HERC1: variants seen among roughly 807,000 people sequenced by gnomAD.
HERC1 encodes HECT and RLD domain containing E3 ubiquitin protein ligase family member 1.
HERC1 carries 160 observed loss-of-function variants against 554.3 expected under a neutral mutation model. The ratio of observed to expected loss-of-function variants is 0.29; its 90% CI spans 0.25 to 0.33. HERC1 has a LOEUF of 0.33. HERC1 is among the 10% of genes least tolerant of loss of function. The pLI, the probability that HERC1 is intolerant of heterozygous loss-of-function variation, is 1.00. For missense variants in HERC1, 4,919 were observed against 5,918.5 expected, an observed-to-expected ratio of 0.83 and a Z score of 5.54; for synonymous variants, 2,175 against 2,131.7, an observed-to-expected ratio of 1.02 and a Z score of -0.56.
chr15:63,712,774 C>T lies in HERC1; in HGVS notation c.4584+1G>A, dbSNP rs1308645514. On this transcript the variant is annotated splice_donor_variant, in intron 24 of 77. Coordinates refer to ENST00000443617, the MANE Select transcript of HERC1 (RefSeq NM_003922.4). LOFTEE classifies it high-confidence loss of function. ...TCTTTACTGAATCTGGGTATACCTA[C>T]CAGTGCGTAACCCTCTTCATCTGAT... 6.2e-7 allele frequency: 1 copy of T among 1,613,280 alleles called. No individual in the cohort carries two copies. Among genetic ancestry groups the T allele is most frequent in the Admixed American group, 1.7e-5 (1 of 59,942 alleles).
rs1025868873 is a variant in HERC1 at position 63,645,534 on chromosome 15, G to A, written c.11027C>T (p.Ala3676Val). The stretch of plus-strand genomic sequence containing the variant: ...TCCTTTCCCTGGAAGGCGGCACCAA[G>A]CAATGCCATTTACAATAGATGGATG... ...LCHPSIVNGIAWCRLPGKGSK... is the reference protein window; with the variant it reads ...LCHPSIVNGIVWCRLPGKGSK... The change falls in exon 56 of 78, where the codon GCT (alanine) becomes GTT (valine). Residue 3676 changes from alanine to valine, a missense_variant. This residue lies in a region of HERC1 where 1,963 missense variants were observed against 2,228.6 expected (regional missense o/e 0.88). Transcript: ENST00000443617. 2 of 1,612,746 alleles carry A rather than the reference G, an allele frequency of 1.2e-6. No homozygotes were observed. Among genetic ancestry groups the A allele is most frequent in the Non-Finnish European group, 1.7e-6 (2 of 1,179,474 alleles).
intron 1 of HERC1, among the ~76,000 whole-genome samples, chr15:63,801,000 C>T (rs2076965811): frequency 6.6e-6 from 1 of 152,130 alleles, no homozygotes; most frequent in Non-Finnish European, 1.5e-5. Context: ...TCAACCAAGC[C>T]TACGTAATGC....
In HERC1 at chr15:63,758,987, C is replaced by T. The variant is rs1361516047; in HGVS notation, c.1027-618G>A. 6.6e-6 allele frequency among the ~76,000 whole-genome samples: 1 copy of T among 152,114 alleles called. No individual in the cohort carries two copies. The highest frequency in any genetic ancestry group is 2.4e-5 in the African/African-American group (1 of 41,408). On this transcript the variant is annotated intron_variant, in intron 3 of 77. Transcript: ENST00000443617. This position sits in a 1 kb window ranked among gnomAD's most constrained non-coding sequence, Gnocchi z 4.0. ...CAAGCAATCCTCCCACCTCAGCCCC[C>T]CAAGTAGCTGAGATTACAGGCATGC... is the stretch of plus-strand genomic sequence containing the variant.
rs2071279553 is a variant in HERC1, at chr15:63,677,725, A to G, written c.7070+120T>C. 14 of 1,472,614 alleles carry G rather than the reference A, an allele frequency of 9.5e-6. No individual in the cohort carries two copies. In the South Asian group the frequency reaches 2.0e-4, roughly 21 times the overall value. 91.2% of individuals were successfully genotyped at this position (1,472,614 alleles called of 1,614,324 possible). A position where few individuals can be genotyped will look rare whatever the true frequency, so the allele number is the denominator to read the frequency against. ...GTAGAAACATCTAGCTGCATGAGAA[A>G]TATTTTTAAAAGTTAACTGGCAGCT... On this transcript the variant is annotated intron_variant, in intron 37 of 77. Transcript: ENST00000443617. The surrounding 1 kb of genome is among the most constrained non-coding windows in gnomAD (Gnocchi z 4.4).
At chr15:63,724,414 A>G (rs778651596) in intron 18 of HERC1, among the ~76,000 whole-genome samples, 30 of 152,328 alleles carry the variant, frequency 2.0e-4, no homozygotes, top group Admixed American at 3.9e-4. Context: ...ATGTACACTC[A>G]TATTTGGAAA....
At chr15:63,647,185 T>C (rs1255013721) in intron 55 of HERC1, among the ~76,000 whole-genome samples, 1 of 151,708 alleles carries the variant, frequency 6.6e-6, no homozygotes, top group East Asian at 1.9e-4. Context: ...ACCTGGGGGT[T>C]GGAAATTGCA....
At chr15:63,716,224 CCTTTCT>C (rs2073548833) in intron 22 of HERC1, 72 bp downstream of exon 22, 4 of 1,327,808 alleles carry the variant, frequency 3.0e-6, no homozygotes, top group Non-Finnish European at 3.1e-6. Context: ...AGAAACTTTG[CCTTTCT>C]CTTTCAAGTT....
chr15:63,829,499 T>TACAC (rs59580148), intron 1 of HERC1, among the ~76,000 whole-genome samples: 8 of 53,378 alleles, frequency 1.5e-4, no homozygotes, highest in African/African-American at 3.5e-4. Context: ...TATATATATA[T>TACAC]ACACACACAC....
intron 1 of HERC1, among the ~76,000 whole-genome samples, chr15:63,797,205 T>C (rs918514011): frequency 6.6e-6 from 1 of 152,232 alleles, no homozygotes; most frequent in Non-Finnish European, 1.5e-5. Flanking sequence ...GTTAGGATTA[T>C]GAGAGGGGCC....
chr15:63,798,191 C>A (rs1158671037), intron 1 of HERC1, among the ~76,000 whole-genome samples: 2 of 152,188 alleles, frequency 1.3e-5, no homozygotes, highest in Non-Finnish European at 2.9e-5. Flanking sequence ...TCTCTCCTTG[C>A]TGTAGCTTCC....
intron 51 of HERC1, 146 bp from the exon 52 acceptor site, chr15:63,652,687 C>G: frequency 1.5e-6 from 1 of 665,156 alleles, no homozygotes; most frequent in Non-Finnish European, 2.4e-6. Context: ...AAGTCTTGCT[C>G]TGTTGCCCAG....
intron 1 of HERC1, among the ~76,000 whole-genome samples, chr15:63,778,079 T>C (rs1460736137): frequency 6.6e-6 from 1 of 152,188 alleles, no homozygotes; most frequent in Non-Finnish European, 1.5e-5. Context: ...TTAAATTCTA[T>C]ACCAAACCAC....
intron 65 of HERC1, 42 bp downstream of exon 65, chr15:63,635,919 A>G: frequency 1.3e-6 from 2 of 1,595,448 alleles, no homozygotes; most frequent in Non-Finnish European, 8.6e-7. Flanking sequence ...AACAACTAGT[A>G]TATTTACAAT....
At chr15:63,769,139 C>T (rs1407862893) in intron 2 of HERC1, among the ~76,000 whole-genome samples, 1 of 152,190 alleles carries the variant, frequency 6.6e-6, no homozygotes, top group Non-Finnish European at 1.5e-5. Context: ...CTACACAGGC[C>T]GGGCACAGTG....
intron 17 of HERC1, among the ~76,000 whole-genome samples, chr15:63,725,948 AAGATCCAGACCC>A (rs2074021818): frequency 6.6e-6 from 1 of 151,898 alleles, no homozygotes; most frequent in African/African-American, 2.4e-5. Context: ...TCTTAATACT[AAGATCCAGACCC>A]ATGCTTTCTT....
rs930048497 is a variant in HERC1, at chr15:63,672,678, A to G, written c.7863T>C (p.Ala2621=). The G allele has an allele frequency of 2.5e-6, 4 of 1,605,652 alleles. No individual in the cohort carries two copies. Among genetic ancestry groups the G allele is most frequent in the Non-Finnish European group, 3.4e-6 (4 of 1,175,090 alleles). Reference sequence around the variant, plus strand: ...CCTGCTGGGCAGGGTCACTTTCTTCAGCTTGTTGATCAATCTCTAGAAACC... The same window carrying G: ...CCTGCTGGGCAGGGTCACTTTCTTCGGCTTGTTGATCAATCTCTAGAAACC... ...GKIKQEIDQQ[A]EESDPAQQAQ... is the part of the protein sequence containing the mutation. The change falls in exon 39 of 78, where the codon GCT becomes GCC. Residue 2621 remains alanine, a synonymous_variant. Transcript: ENST00000443617.
intron 34 of HERC1, among the ~76,000 whole-genome samples, chr15:63,684,126 A>G (rs193099942): frequency 3.9e-5 from 6 of 152,322 alleles, no homozygotes; most frequent in African/African-American, 1.4e-4. Flanking sequence ...TCTGGGGGCA[A>G]TATACTTCCA....
In HERC1 at chr15:63,778,238, T is replaced by G. The variant is rs763115570; in HGVS notation, c.-26-2589A>C. Among the ~76,000 whole-genome samples the G allele has an allele frequency of 3.6e-4, 55 of 152,100 alleles. 1 individual carries two copies. Among genetic ancestry groups the G allele is most frequent in the Admixed American group, 8.5e-4 (13 of 15,268 alleles). On this transcript the variant is annotated intron_variant, in intron 1 of 77. Transcript: ENST00000443617. ...CAAGCAAAGGCAGACTAAGAAAAAC[T>G]GCAGAAAAGACAGAGGAGAAAGGCT...
intron 45 of HERC1, 121 bp from the exon 46 acceptor site, chr15:63,661,146 T>C (rs1382897362): frequency 1.4e-6 from 1 of 721,286 alleles, no homozygotes; most frequent in African/African-American, 1.8e-5. Context: ...TAAAAAAGTA[T>C]GTTTCATGTT....
Sources: allele counts gnomAD v4.1 joint callset (sites outside exome capture counted in the v4.1 genomes callset), GRCh38; gene constraint gnomAD v4.1.1; regional missense constraint gnomAD v4.1.1; non-coding constraint Gnocchi (gnomAD v3.1); transcripts MANE v1.5; gene names NCBI Gene and HGNC (gene_info 2026-07-23, HGNC 2026-07-21).